The following UGT1A10 variants were observed in gnomAD, a reference collection of about 807,000 sequenced individuals.
UGT1A10 encodes UDP glucuronosyltransferase family 1 member A10, also known as UDP-glucuronosyltransferase 1A10.
UGT1A10 carries 49 observed loss-of-function variants against 45.8 expected under a neutral mutation model. That is an observed-to-expected ratio of 1.07 (90% confidence interval 0.85 to 1.36). The LOEUF is 1.36. Among genes scored for constraint, UGT1A10 ranks in the 40% most tolerant of loss-of-function variants. UGT1A10 has a pLI of 0.00. For synonymous variants in UGT1A10, 284 were observed against 249.7 expected, an observed-to-expected ratio of 1.14 and a Z score of -1.29; for missense variants, 745 against 668.6, an observed-to-expected ratio of 1.11 and a Z score of -1.26.
chr2:233,714,705 C>T (rs577508309), intron 1 of UGT1A10, among the ~76,000 whole-genome samples: 2 of 152,262 alleles, frequency 1.3e-5, no homozygotes, highest in South Asian at 2.1e-4. Context: ...AACTGTTTAA[C>T]GTAGCTTTTT....
chr2:233,755,081 A>G (rs749990272), intron 1 of UGT1A10: 10 of 1,336,302 alleles, frequency 7.5e-6, no homozygotes, highest in Non-Finnish European at 6.0e-6. Flanking sequence ...GGTCATAGAT[A>G]TCGCGTTTCT....
chr2:233,654,308 T>C (rs2073806274), intron 1 of UGT1A10, among the ~76,000 whole-genome samples: 1 of 152,218 alleles, frequency 6.6e-6, no homozygotes, highest in Non-Finnish European at 1.5e-5. Context: ...ATTTGGATCC[T>C]TAGGGAATCA....
chr2:233,671,768 A>C (rs2074198809), intron 1 of UGT1A10: 1 of 1,365,026 alleles, frequency 7.3e-7, no homozygotes, highest in African/African-American at 1.5e-5. Flanking sequence ...AGCTACTCAT[A>C]TATTCTTGTT....
Position 233,720,841 on chromosome 2 carries a change from G to A in UGT1A10, c.856-46193G>A, listed in dbSNP as rs529446200. 1.9e-4 allele frequency among the ~76,000 whole-genome samples: 29 copies of A among 151,182 alleles called. 2 individuals carry two copies. Among genetic ancestry groups the A allele is most frequent in the Middle Eastern group, 6.9e-3 (2 of 290 alleles). ...CCACCTCAGTCTCCTGAGTAACTGG[G>A]ACTGCAGGCATGTGCCACTGCTCCT... On this transcript the variant is annotated intron_variant, in intron 1 of 4. Coordinates refer to ENST00000344644, the MANE Select transcript of UGT1A10 (RefSeq NM_019075.4).
chr2:233,719,820 C>G, intron 1 of UGT1A10: 1 of 1,571,826 alleles, frequency 6.4e-7, no homozygotes, highest in Non-Finnish European at 8.6e-7. Context: ...AACAGATAAA[C>G]TGTTGAGGGG....
At chr2:233,669,274 A>G (rs2074135037) in intron 1 of UGT1A10, among the ~76,000 whole-genome samples, 1 of 151,470 alleles carries the variant, frequency 6.6e-6, no homozygotes, top group Admixed American at 6.6e-5. Context: ...TCTATTTTTT[A>G]AAAGTTATTT....
intron 1 of UGT1A10, among the ~76,000 whole-genome samples, chr2:233,749,893 C>T (rs141027223): frequency 6.6e-6 from 1 of 151,938 alleles, no homozygotes; most frequent in African/African-American, 2.4e-5. Context: ...GAGGCTCCCC[C>T]CTCCAGCCAC....
chr2:233,652,977 A>C (rs188940668), intron 1 of UGT1A10, among the ~76,000 whole-genome samples: 2 of 152,356 alleles, frequency 1.3e-5, no homozygotes, highest in Admixed American at 6.5e-5. Context: ...CATCAAAATA[A>C]AACACTTTTG....
At chr2:233,685,469 C>T (rs1221613108) in intron 1 of UGT1A10, among the ~76,000 whole-genome samples, 1 of 152,188 alleles carries the variant, frequency 6.6e-6, no homozygotes, top group Admixed American at 6.5e-5. Context: ...GCCAGTGCAG[C>T]TCTGGAGAAC....
At chr2:233,682,374 T>G (rs1438201790) in intron 1 of UGT1A10, 4 of 1,614,060 alleles carry the variant, frequency 2.5e-6, no homozygotes, top group Non-Finnish European at 3.4e-6. Flanking sequence ...GATGCAGTGT[T>G]TCTCGATCCT....
At chr2:233,703,813 C>A (rs1224901765) in intron 1 of UGT1A10, among the ~76,000 whole-genome samples, 1 of 146,756 alleles carries the variant, frequency 6.8e-6, no homozygotes, top group Non-Finnish European at 1.5e-5. Context: ...TAATCTCTGT[C>A]TTTTAATTGA....
chr2:233,667,841 C>T (rs1184497965), intron 1 of UGT1A10, among the ~76,000 whole-genome samples: 3 of 152,210 alleles, frequency 2.0e-5, no homozygotes, highest in African/African-American at 7.2e-5. Context: ...GATACCATCT[C>T]ACACAAGTTA....
At chr2:233,661,591 T>G (rs2073963876) in intron 1 of UGT1A10, among the ~76,000 whole-genome samples, 1 of 150,708 alleles carries the variant, frequency 6.6e-6, no homozygotes, top group African/African-American at 2.4e-5. Flanking sequence ...GTTTGAAGCC[T>G]GCTGGCATCA....
chr2:233,657,585 C>A (rs560284997), intron 1 of UGT1A10, among the ~76,000 whole-genome samples: 24 of 152,290 alleles, frequency 1.6e-4, no homozygotes, highest in African/African-American at 5.8e-4. Flanking sequence ...ACCCAGATAC[C>A]TCCCACTAAG....
chr2:233,649,450 G>C (rs912523680), intron 1 of UGT1A10, among the ~76,000 whole-genome samples: 1 of 152,122 alleles, frequency 6.6e-6, no homozygotes, highest in African/African-American at 2.4e-5. Context: ...GCAGTAAAAT[G>C]TTCTTTGCAG....
intron 1 of UGT1A10, chr2:233,747,484 GC>G: frequency 1.2e-6 from 2 of 1,608,658 alleles, no homozygotes; most frequent in Admixed American, 3.3e-5. Context: ...GAATTTGATC[GC>G]CTTGTGCTGG....
At chr2:233,648,119 A>G (rs1236223089) in intron 1 of UGT1A10, 4 of 1,400,646 alleles carry the variant, frequency 2.9e-6, no homozygotes, top group Non-Finnish European at 3.9e-6. Flanking sequence ...GCTTTTGCCA[A>G]TGCTCAATGG....
chr2:233,658,674 A>G (rs2125485440), intron 1 of UGT1A10, among the ~76,000 whole-genome samples: 2 of 152,306 alleles, frequency 1.3e-5, no homozygotes, highest in East Asian at 3.9e-4. Context: ...TAAGACCACA[A>G]AGGTAATGTC....
chr2:233,682,890 T>C (rs911018992), intron 1 of UGT1A10: 6 of 1,508,230 alleles, frequency 4.0e-6, no homozygotes, highest in Non-Finnish European at 3.5e-6. Context: ...TTTGTCCCAT[T>C]TGGAATTTCT....
Sources: allele counts gnomAD v4.1 joint callset (sites outside exome capture counted in the v4.1 genomes callset), GRCh38; gene constraint gnomAD v4.1.1; transcripts MANE v1.5; gene names NCBI Gene and HGNC (gene_info 2026-07-23, HGNC 2026-07-21).